The following EYA1 variants were observed in gnomAD, a reference collection of about 807,000 sequenced individuals.
EYA1 encodes EYA transcriptional coactivator and phosphatase 1, also known as protein phosphatase EYA1.
EYA1 carries 16 observed loss-of-function variants against 82.0 expected under a neutral mutation model. That is an observed-to-expected ratio of 0.20 (90% CI 0.13 to 0.30). The LOEUF is 0.30. EYA1 is among the 10% of genes least tolerant of loss of function. The pLI is 1.00. For missense variants in EYA1, 633 were observed against 730.7 expected (o/e 0.87, Z 1.54); for synonymous variants, 261 against 264.4 (o/e 0.99, Z 0.12).
rs546780545 is a variant in EYA1 at position 71,418,429 on chromosome 8, C to T, written c.34-61918G>A. On this transcript the variant is annotated intron_variant, in intron 2 of 18. Coordinates refer to the EYA1 transcript ENST00000643681. ...TGCCCCAGTGTCACTTGTACCTGAA[C>T]CCATTTTCTGACTTGAGCCCACATG... Among the ~76,000 whole-genome samples, 13 of 152,182 alleles carry T rather than the reference C, an allele frequency of 8.5e-5. No homozygotes were observed. In the South Asian group the frequency reaches 2.5e-3, roughly 29 times the overall value.
rs913667840 is a variant in EYA1, at chr8:71,287,136, A to G, written c.826+11911T>C. Among the ~76,000 whole-genome samples the G allele has an allele frequency of 3.6e-4, 55 of 152,224 alleles. 1 individual carries two copies. The highest frequency in any genetic ancestry group is 1.3e-3 in the African/African-American group (54 of 41,532). ...TTTAGATTTTGGCATAAAAGAAAAA[A>G]AAGGACCTCAGCAAAACCTTGAATA... On this transcript the variant is annotated intron_variant, in intron 9 of 17. Transcript: ENST00000340726.
chr8:71,478,416 A>G (rs1586797057), intron 2 of EYA1, among the ~76,000 whole-genome samples: 1 of 152,186 alleles, frequency 6.6e-6, no homozygotes, highest in Non-Finnish European at 1.5e-5. Context: ...CATCTATACA[A>G]ACAGAGAGGT....
intron 2 of EYA1, among the ~76,000 whole-genome samples, chr8:71,431,145 ATCATGTTC>A (rs1047494853): frequency 2.6e-5 from 4 of 151,932 alleles, no homozygotes; most frequent in South Asian, 2.1e-4. Context: ...TTTGAGTATA[ATCATGTTC>A]TCAGTCCTCT....
At chr8:71,434,395 A>C (rs765505272) in intron 2 of EYA1, among the ~76,000 whole-genome samples, 4 of 152,322 alleles carry the variant, frequency 2.6e-5, no homozygotes, top group Middle Eastern at 3.4e-3. Flanking sequence ...CATTCTTTAC[A>C]CATTACCTCA....
intron 2 of EYA1, among the ~76,000 whole-genome samples, chr8:71,456,714 A>T (rs1473573584): frequency 6.6e-6 from 1 of 152,238 alleles, no homozygotes; most frequent in Non-Finnish European, 1.5e-5. Flanking sequence ...CATATGTAGG[A>T]AGCTGAAACT....
intron 1 of EYA1, 144 bp from the exon 2 acceptor site, chr8:71,356,655 A>G (rs140800126): frequency 7.3e-7 from 1 of 1,362,316 alleles, no homozygotes; most frequent in East Asian, 2.7e-5. Flanking sequence ...AGTGAAAGGC[A>G]TATTGTCTTT....
intron 2 of EYA1, among the ~76,000 whole-genome samples, chr8:71,367,218 T>C (rs1301935505): frequency 6.6e-6 from 1 of 152,146 alleles, no homozygotes; most frequent in Admixed American, 6.5e-5. Context: ...CAATAAGCAA[T>C]TATATGCATG....
chr8:71,456,840 T>A (rs139966375), intron 2 of EYA1, among the ~76,000 whole-genome samples: 17,565 of 152,042 alleles, frequency 0.12, 1,857 homozygotes, highest in East Asian at 0.47. Flanking sequence ...CATTCAGGAC[T>A]TAGGCATGGG....
intron 2 of EYA1, among the ~76,000 whole-genome samples, chr8:71,473,928 T>C (rs1468313435): frequency 6.6e-6 from 1 of 151,958 alleles, no homozygotes; most frequent in Non-Finnish European, 1.5e-5. Flanking sequence ...AAACCATCAT[T>C]CTCAGCAAAC....
At chr8:71,400,657 G>T (rs2129126569) in intron 2 of EYA1, among the ~76,000 whole-genome samples, 1 of 152,276 alleles carries the variant, frequency 6.6e-6, no homozygotes, top group South Asian at 2.1e-4. Flanking sequence ...TGAGGCTGTG[G>T]AGCAATAGGA....
At chr8:71,445,731 C>T (rs902885976) in intron 2 of EYA1, among the ~76,000 whole-genome samples, 6 of 152,146 alleles carry the variant, frequency 3.9e-5, no homozygotes, top group Admixed American at 1.3e-4. Context: ...CTCCGCCTCC[C>T]GGGTTCACAC....
At chr8:71,243,270 C>A (rs766274256) in intron 12 of EYA1, among the ~76,000 whole-genome samples, 29 of 152,056 alleles carry the variant, frequency 1.9e-4, no homozygotes, top group Non-Finnish European at 3.5e-4. Flanking sequence ...TTTAACATAC[C>A]AGTAAAATGT....
At chr8:71,225,450 A>C in intron 12 of EYA1, 1 of 353,110 alleles carries the variant, frequency 2.8e-6, no homozygotes, top group Non-Finnish European at 5.6e-6. Flanking sequence ...AAAAAGAAAA[A>C]AATGGTGCAG....
At position 71,254,141 on chromosome 8, in the gene EYA1, T is replaced by C. The variant is rs189457733; in HGVS notation, c.1051-9449A>G. Among the ~76,000 whole-genome samples the C allele has an allele frequency of 4.6e-3, 690 of 150,482 alleles. 9 individuals carry two copies. The highest frequency in any genetic ancestry group is 0.039 in the South Asian group (186 of 4,784). ...AGAATGTACAGCATAAGTAAAAACA[T>C]TCTGTAATGGACTGCTGAAGGAGCT... On this transcript the variant is annotated intron_variant, in intron 11 of 17. Transcript: ENST00000340726.
intron 7 of EYA1, among the ~76,000 whole-genome samples, chr8:71,300,508 G>A (rs975238323): frequency 2.0e-5 from 3 of 151,970 alleles, no homozygotes; most frequent in African/African-American, 4.8e-5. Flanking sequence ...TATAAAAAAC[G>A]GCATTCATAC....
intron 2 of EYA1, among the ~76,000 whole-genome samples, chr8:71,506,883 G>A (rs1220561690): frequency 6.6e-6 from 1 of 151,208 alleles, no homozygotes. Flanking sequence ...AAATTAAAAG[G>A]CAAGCAACAG....
intron 11 of EYA1, among the ~76,000 whole-genome samples, chr8:71,251,426 C>CCA (rs1434492547): frequency 5.3e-5 from 8 of 152,228 alleles, no homozygotes; most frequent in Non-Finnish European, 1.5e-5. Context: ...AACTTCACAC[C>CCA]CACACACAGG....
chr8:71,219,190 A>T (rs763980351), intron 12 of EYA1, among the ~76,000 whole-genome samples: 4 of 152,152 alleles, frequency 2.6e-5, no homozygotes, highest in Non-Finnish European at 5.9e-5. Flanking sequence ...TTTTGTTCCC[A>T]GGCTGAGGAC....
At chr8:71,450,304 C>T (rs147618643) in intron 2 of EYA1, among the ~76,000 whole-genome samples, 44 of 152,284 alleles carry the variant, frequency 2.9e-4, no homozygotes, top group African/African-American at 9.6e-4. Context: ...AAGTGAAAGG[C>T]GTGTGGCTCT....
Sources: allele counts gnomAD v4.1 joint callset (sites outside exome capture counted in the v4.1 genomes callset), GRCh38; gene constraint gnomAD v4.1.1; transcripts MANE v1.5; gene names NCBI Gene and HGNC (gene_info 2026-07-23, HGNC 2026-07-21).